Variants in NCAM2 observed in about 807,000 individuals in gnomAD.
NCAM2 encodes neural cell adhesion molecule 2.
In NCAM2, 30 loss-of-function variants were observed where a neutral mutation model predicts 98.1. The ratio of observed to expected loss-of-function variants is 0.31; its 90% confidence interval spans 0.23 to 0.41. The LOEUF (loss-of-function observed/expected upper bound fraction) is 0.41, where lower values mean the gene tolerates loss of function less well. NCAM2 is among the 10% of genes least tolerant of loss of function. The pLI is 1.00. For missense variants in NCAM2, 867 were observed against 1,005.8 expected (o/e 0.86, Z 1.87); for synonymous variants, 368 against 342.4 (o/e 1.07, Z -0.83).
At chr21:21,316,786 T>C (rs2074236115) in intron 5 of NCAM2, among the ~76,000 whole-genome samples, 1 of 151,998 alleles carries the variant, frequency 6.6e-6, no homozygotes, top group Admixed American at 6.6e-5. Context: ...TCAGGCGATC[T>C]GCCTGCCTCA....
chr21:21,067,951 G>T (rs1177102116), intron 1 of NCAM2, among the ~76,000 whole-genome samples: 1 of 151,850 alleles, frequency 6.6e-6, no homozygotes, highest in African/African-American at 2.4e-5. Context: ...TGAATTTCTT[G>T]TCTTCTTGTC....
intron 1 of NCAM2, among the ~76,000 whole-genome samples, chr21:21,184,153 C>T (rs1358084272): frequency 2.6e-5 from 4 of 151,690 alleles, no homozygotes; most frequent in East Asian, 1.9e-4. Context: ...GAATTATATA[C>T]GATGGTTTGA....
intron 1 of NCAM2, among the ~76,000 whole-genome samples, chr21:21,070,422 T>C (rs1435032956): frequency 6.6e-6 from 1 of 152,010 alleles, no homozygotes; most frequent in East Asian, 1.9e-4. Context: ...GATGCACTAA[T>C]ATAACAAACA....
chr21:21,484,481 G>C (rs1236522612), intron 15 of NCAM2, among the ~76,000 whole-genome samples: 1 of 151,950 alleles, frequency 6.6e-6, no homozygotes, highest in Non-Finnish European at 1.5e-5. Flanking sequence ...GAATAAAGGC[G>C]AAAATGGAAG....
At chr21:21,228,315 G>A (rs1477323348) in intron 1 of NCAM2, among the ~76,000 whole-genome samples, 58 of 151,342 alleles carry the variant, frequency 3.8e-4, no homozygotes, top group East Asian at 1.9e-4. Flanking sequence ...ATTAAATTTA[G>A]GAAATTAAAG....
intron 1 of NCAM2, among the ~76,000 whole-genome samples, chr21:21,053,791 C>A (rs776261639): frequency 1.1e-4 from 17 of 150,998 alleles, no homozygotes; most frequent in Non-Finnish European, 1.6e-4. Context: ...CTAAATTTTT[C>A]TTGGTTTATA....
chr21:21,522,100 AAG>A (rs1193367007), intron 16 of NCAM2, among the ~76,000 whole-genome samples: 3 of 148,134 alleles, frequency 2.0e-5, no homozygotes, highest in Non-Finnish European at 4.5e-5. Context: ...ATACATGAAT[AAG>A]AATATATATG....
intron 1 of NCAM2, among the ~76,000 whole-genome samples, chr21:21,252,034 T>G (rs2147292252): frequency 6.6e-6 from 1 of 151,610 alleles, no homozygotes; most frequent in South Asian, 2.1e-4. Context: ...TAGTTTGGGG[T>G]TCAAAGGATA....
chr21:21,194,916 C>G (rs964836475), intron 1 of NCAM2, among the ~76,000 whole-genome samples: 1 of 152,270 alleles, frequency 6.6e-6, no homozygotes, highest in Admixed American at 6.5e-5. Flanking sequence ...CCATTTCCAT[C>G]ACCCTGAGCT....
intron 1 of NCAM2, among the ~76,000 whole-genome samples, chr21:21,208,734 T>C (rs1173418836): frequency 1.2e-4 from 19 of 152,166 alleles, no homozygotes; most frequent in Admixed American, 1.2e-3. Context: ...GCTTAGCTTA[T>C]AGGCAAAAAT....
chr21:21,024,791 G>A (rs972387303), intron 1 of NCAM2, among the ~76,000 whole-genome samples: 1 of 151,980 alleles, frequency 6.6e-6, no homozygotes, highest in Non-Finnish European at 1.5e-5. Context: ...GGAAGCTGAG[G>A]CAGGAGAGTT....
chr21:21,315,900 A>G (rs1288062162), intron 5 of NCAM2, among the ~76,000 whole-genome samples: 1 of 152,216 alleles, frequency 6.6e-6, no homozygotes, highest in Non-Finnish European at 1.5e-5. Flanking sequence ...AGGACACTGC[A>G]AGATGTCTCG....
Position 21,168,611 on chromosome 21 carries a change from GA to G in NCAM2, c.56-111966del, listed in dbSNP as rs2068025378. Among the ~76,000 whole-genome samples the G allele has an allele frequency of 2.0e-5, 3 of 152,256 alleles. No individual in the cohort carries two copies. The South Asian group carries it at 6.2e-4, about 32-fold the overall frequency. On this transcript the variant is annotated intron_variant, in intron 1 of 17. Coordinates refer to ENST00000400546, the MANE Select transcript of NCAM2 (RefSeq NM_004540.5). ...AATAAGCAATTATAGCAACGTTGAA[GA>G]TTATAAGGTTAATGTGTGTCAATTA...
intron 1 of NCAM2, among the ~76,000 whole-genome samples, chr21:21,271,293 G>C (rs932813019): frequency 6.6e-6 from 1 of 152,280 alleles, no homozygotes; most frequent in Non-Finnish European, 1.5e-5. Flanking sequence ...TGGGTTTATA[G>C]ACTAAGATTA....
At chr21:21,081,903 T>C (rs1167344245) in intron 1 of NCAM2, among the ~76,000 whole-genome samples, 2 of 151,988 alleles carry the variant, frequency 1.3e-5, no homozygotes, top group East Asian at 3.9e-4. Context: ...AGTATAGAAG[T>C]GCTCTACGCA....
intron 15 of NCAM2, among the ~76,000 whole-genome samples, chr21:21,500,779 T>C (rs528712396): frequency 6.6e-6 from 1 of 152,168 alleles, no homozygotes; most frequent in South Asian, 2.1e-4. Context: ...GTGATTAACA[T>C]GTAAGGTCTT....
intron 5 of NCAM2, among the ~76,000 whole-genome samples, chr21:21,315,432 A>G (rs958729834): frequency 1.3e-5 from 2 of 152,098 alleles, no homozygotes; most frequent in Non-Finnish European, 2.9e-5. Flanking sequence ...CTGCGATCTT[A>G]TTTATCTCTC....
intron 1 of NCAM2, among the ~76,000 whole-genome samples, chr21:21,275,439 T>TA (rs1244975332): frequency 2.0e-5 from 3 of 148,722 alleles, no homozygotes; most frequent in Non-Finnish European, 4.5e-5. Flanking sequence ...GACTCTGTCA[T>TA]AAAAAAATAA....
At chr21:21,446,546 G>A (rs1569072654) in intron 12 of NCAM2, among the ~76,000 whole-genome samples, 2 of 151,918 alleles carry the variant, frequency 1.3e-5, no homozygotes, top group African/African-American at 4.8e-5. Flanking sequence ...GGAAGTTCAG[G>A]CCTGTGCAAT....
Sources: allele counts gnomAD v4.1 joint callset (sites outside exome capture counted in the v4.1 genomes callset), GRCh38; gene constraint gnomAD v4.1.1; transcripts MANE v1.5; gene names NCBI Gene and HGNC (gene_info 2026-07-23, HGNC 2026-07-21).